The following MFHAS1 variants were observed in gnomAD, a reference collection of about 807,000 sequenced individuals.
MFHAS1 encodes malignant fibrous histiocytoma-amplified sequence 1.
Under a neutral mutation model 70.4 loss-of-function variants are expected in MFHAS1, and 50 were observed. The observed-to-expected ratio is 0.71, with a 90% confidence interval of 0.57 to 0.90. The LOEUF is 0.90. Ranked by LOEUF, MFHAS1 falls within the 40% of genes least tolerant of loss-of-function variation. The probability of loss-of-function intolerance (pLI) is 0.00; values close to 1 mark genes in which losing one functional copy is unlikely to be tolerated. For synonymous variants in MFHAS1, 952 were observed against 620.0 expected (o/e 1.54, Z -7.96); for missense variants, 1,795 against 1,347.6 (o/e 1.33, Z -5.20).
chr8:8,879,099 A>G (rs1439124870), intron 1 of MFHAS1, among the ~76,000 whole-genome samples: 1 of 152,186 alleles, frequency 6.6e-6, no homozygotes, highest in African/African-American at 2.4e-5. Context: ...CTGTAATCCC[A>G]GCACTTTGGG....
intron 1 of MFHAS1, among the ~76,000 whole-genome samples, chr8:8,843,684 T>C (rs1807925804): frequency 6.6e-6 from 1 of 152,066 alleles, no homozygotes; most frequent in African/African-American, 2.4e-5. Flanking sequence ...GCAGGTCCGG[T>C]GTGGAAGAAG....
At position 8,892,774 on chromosome 8, in the gene MFHAS1, G is replaced by T; in HGVS notation, c.285C>A (p.Arg95=). ...ALGSLRVLVL[R]RNRFARLPPA... The stretch of plus-strand genomic sequence containing the variant: ...GGGGCAGCCGGGCGAAGCGGTTCCT[G>T]CGCAGGACCAGGACGCGCAGGCTGC... The change falls in exon 1 of 3, where the codon CGC becomes CGA. Residue 95 remains arginine, a synonymous_variant. Transcript: ENST00000276282. The surrounding 1 kb of genome is among the most constrained non-coding windows in gnomAD (Gnocchi z 4.7). 1 of 1,584,148 alleles carries T rather than the reference G, an allele frequency of 6.3e-7. No homozygotes were observed. The highest frequency in any genetic ancestry group is 8.6e-7 in the Non-Finnish European group (1 of 1,166,004).
intron 1 of MFHAS1, among the ~76,000 whole-genome samples, chr8:8,889,327 G>A (rs1809896807): frequency 1.3e-5 from 2 of 152,170 alleles, no homozygotes; most frequent in Admixed American, 1.3e-4. Context: ...CTGAGTGGGC[G>A]GAGGGGAGCA....
chr8:8,858,530 G>T (rs891438033), intron 1 of MFHAS1, among the ~76,000 whole-genome samples: 1 of 152,114 alleles, frequency 6.6e-6, no homozygotes, highest in Non-Finnish European at 1.5e-5. Flanking sequence ...AAACGATTAT[G>T]CAATGCTATA....
chr8:8,853,194 C>A (rs555303486), intron 1 of MFHAS1, among the ~76,000 whole-genome samples: 4 of 152,150 alleles, frequency 2.6e-5, no homozygotes, highest in African/African-American at 9.6e-5. Flanking sequence ...CACCGACTCA[C>A]ACACACACTC....
chr8:8,885,154 A>G (rs1809705126), intron 1 of MFHAS1, among the ~76,000 whole-genome samples: 1 of 152,190 alleles, frequency 6.6e-6, no homozygotes, highest in Non-Finnish European at 1.5e-5. Flanking sequence ...TCGGAGAGGT[A>G]CACTCCGTGT....
rs143173077 is a variant in MFHAS1, at chr8:8,836,087, T to G, written c.2999-38596A>C. On this transcript the variant is annotated intron_variant, in intron 1 of 2. Transcript: ENST00000276282. ...ATATATCTGTTGACCTAAAACAACA[T>G]GCTGAACCATGCAAGACAGAGAGGA... Among the ~76,000 whole-genome samples, 774 of 152,330 alleles carry G rather than the reference T, an allele frequency of 5.1e-3. 3 individuals are homozygous for G. The highest frequency in any genetic ancestry group is 0.01 in the Middle Eastern group (3 of 294).
chr8:8,789,705 G>C (rs1444329124), intron 2 of MFHAS1, among the ~76,000 whole-genome samples: 1 of 152,160 alleles, frequency 6.6e-6, no homozygotes, highest in Non-Finnish European at 1.5e-5. Flanking sequence ...AATTCCTAGA[G>C]ATGGTAAAAC....
At chr8:8,865,024 C>T (rs558850175) in intron 1 of MFHAS1, among the ~76,000 whole-genome samples, 1 of 152,028 alleles carries the variant, frequency 6.6e-6, no homozygotes, top group South Asian at 2.1e-4. Context: ...GCCGGTAATC[C>T]CAGCACTTGA....
Position 8,786,028 on chromosome 8 carries a change from G to T in MFHAS1, c.3153C>A (p.Asn1051Lys). 1 of 1,614,082 alleles carries T rather than the reference G, an allele frequency of 6.2e-7. No homozygotes were observed. The highest frequency in any genetic ancestry group is 1.3e-5 in the African/African-American group (1 of 75,018). The change falls in exon 3 of 3, where the codon AAC (asparagine) becomes AAA (lysine). Residue 1051 changes from asparagine to lysine, a missense_variant. Physicochemically the swap from Asn to Lys is moderately conservative, Grantham distance 94. Coordinates refer to ENST00000276282, the MANE Select transcript of MFHAS1 (RefSeq NM_004225.3). ...SKKNVGEKHR[N>K]Q ...AATTCCACAGCCACAAACGTCACTG[G>T]TTTCTGTGCTTTTCACCAACATTCT...
chr8:8,866,377 G>A lies in MFHAS1; in HGVS notation c.2998+23684C>T, dbSNP rs186032427. Among the ~76,000 whole-genome samples the A allele has an allele frequency of 1.1e-4, 17 of 150,810 alleles. No homozygotes were observed. In the East Asian group the frequency reaches 3.1e-3, roughly 28 times the overall value. On this transcript the variant is annotated intron_variant, in intron 1 of 2. Coordinates refer to ENST00000276282, the MANE Select transcript of MFHAS1 (RefSeq NM_004225.3). ...ACTGTCCTCTAGGCTGGAGTACGGT[G>A]GCGTAATCTCAGCTCACCGTAGCCT...
chr8:8,867,043 T>C (rs1808885869), intron 1 of MFHAS1, among the ~76,000 whole-genome samples: 1 of 152,216 alleles, frequency 6.6e-6, no homozygotes, highest in African/African-American at 2.4e-5. Flanking sequence ...TGGGTTGGTA[T>C]GATCTATTTT....
intron 1 of MFHAS1, among the ~76,000 whole-genome samples, chr8:8,818,291 T>C (rs182249799): frequency 3.3e-5 from 5 of 152,278 alleles, no homozygotes; most frequent in Admixed American, 3.3e-4. Flanking sequence ...ACAACCTTAT[T>C]AAAAGTGACT....
chr8:8,869,159 A>AG (rs1808973790), intron 1 of MFHAS1, among the ~76,000 whole-genome samples: 2 of 152,204 alleles, frequency 1.3e-5, no homozygotes, highest in Non-Finnish European at 2.9e-5. Flanking sequence ...TAATGCCACA[A>AG]GGCTGCTCTC....
intron 2 of MFHAS1, among the ~76,000 whole-genome samples, chr8:8,793,027 A>G (rs147972226): frequency 6.4e-4 from 98 of 152,276 alleles, no homozygotes; most frequent in African/African-American, 2.2e-3. Flanking sequence ...AGAAGAAGCC[A>G]CTCAGCTCCT....
At chr8:8,795,379 G>A (rs7832968) in intron 2 of MFHAS1, among the ~76,000 whole-genome samples, 70,716 of 151,988 alleles carry the variant, frequency 0.47, 17,876 homozygotes, top group East Asian at 0.83. Context: ...GTTAATATTC[G>A]GTTGGTGCAA....
At chr8:8,797,991 G>T (rs1805967363) in intron 1 of MFHAS1, among the ~76,000 whole-genome samples, 1 of 152,210 alleles carries the variant, frequency 6.6e-6, no homozygotes, top group Non-Finnish European at 1.5e-5. Flanking sequence ...AACAGCCTAA[G>T]ATCAGCCCAG....
At chr8:8,840,631 T>C (rs1807784897) in intron 1 of MFHAS1, among the ~76,000 whole-genome samples, 2 of 152,174 alleles carry the variant, frequency 1.3e-5, no homozygotes, top group African/African-American at 4.8e-5. Context: ...CCTTCAGTTC[T>C]TCTGAAGGCA....
intron 1 of MFHAS1, among the ~76,000 whole-genome samples, chr8:8,829,499 G>A (rs1807288492): frequency 6.6e-6 from 1 of 152,134 alleles, no homozygotes; most frequent in African/African-American, 2.4e-5. Flanking sequence ...TGGCCAACAT[G>A]GTGAAACCCC....
Sources: allele counts gnomAD v4.1 joint callset (sites outside exome capture counted in the v4.1 genomes callset), GRCh38; gene constraint gnomAD v4.1.1; non-coding constraint Gnocchi (gnomAD v3.1); transcripts MANE v1.5; gene names NCBI Gene and HGNC (gene_info 2026-07-23, HGNC 2026-07-21).